The following MAST4 variants were observed in gnomAD, a reference collection of about 807,000 sequenced individuals.
The protein encoded by MAST4 is microtubule-associated serine/threonine-protein kinase 4.
MAST4 carries 89 observed loss-of-function variants against 162.7 expected under a neutral mutation model. That is an observed-to-expected ratio of 0.55 (90% CI 0.46 to 0.65). MAST4 has a LOEUF of 0.65. MAST4 is among the 30% of genes least tolerant of loss of function. The pLI is 0.00. For missense variants in MAST4, 3,153 were observed against 3,374.0 expected (o/e 0.93, Z 1.62); for synonymous variants, 1,479 against 1,361.1 (o/e 1.09, Z -1.91).
intron 3 of MAST4, among the ~76,000 whole-genome samples, chr5:66,870,431 A>G (rs959890441): frequency 3.9e-5 from 6 of 152,232 alleles, no homozygotes; most frequent in Admixed American, 3.9e-4. Context: ...CTTCATATTC[A>G]GAGAAATCAT....
chr5:67,006,017 T>A (rs1396753908), intron 4 of MAST4, among the ~76,000 whole-genome samples: 2 of 152,342 alleles, frequency 1.3e-5, no homozygotes, highest in East Asian at 3.9e-4. Context: ...AAGAAAATGG[T>A]TCGTTCTTTT....
At chr5:66,629,734 C>A (rs947441291) in intron 1 of MAST4, among the ~76,000 whole-genome samples, 1 of 152,114 alleles carries the variant, frequency 6.6e-6, no homozygotes, top group African/African-American at 2.4e-5. Flanking sequence ...AACTTGTGGA[C>A]TAATATTGAA....
At chr5:67,055,705 T>G (rs1581371241) in intron 5 of MAST4, among the ~76,000 whole-genome samples, 1 of 152,024 alleles carries the variant, frequency 6.6e-6, no homozygotes, top group Non-Finnish European at 1.5e-5. Flanking sequence ...AACCTTAGAG[T>G]TGGAGAAGCT....
intron 2 of MAST4, among the ~76,000 whole-genome samples, chr5:66,778,899 C>T (rs1278277865): frequency 6.6e-6 from 1 of 152,156 alleles, no homozygotes; most frequent in Non-Finnish European, 1.5e-5. Flanking sequence ...ATCCCTAGTT[C>T]TCTCATAGCA....
At chr5:66,900,024 T>C in intron 4 of MAST4, 42 bp downstream of exon 4, 1 of 1,317,480 alleles carries the variant, frequency 7.6e-7, no homozygotes. Flanking sequence ...TTTTTATTAA[T>C]ATATAGTTTA....
chr5:67,118,096 G>T (rs1328944732), intron 12 of MAST4, among the ~76,000 whole-genome samples: 3 of 152,226 alleles, frequency 2.0e-5, no homozygotes, highest in Non-Finnish European at 4.4e-5. Flanking sequence ...GGAAGAGCTT[G>T]AAGTTAAAAG....
chr5:67,010,811 T>A (rs533550591), intron 4 of MAST4, among the ~76,000 whole-genome samples: 1 of 152,062 alleles, frequency 6.6e-6, no homozygotes, highest in East Asian at 1.9e-4. Flanking sequence ...TGGAAACTCA[T>A]GGATGACTTG....
intron 3 of MAST4, among the ~76,000 whole-genome samples, chr5:66,825,942 G>T (rs1225839138): frequency 1.3e-5 from 2 of 152,156 alleles, no homozygotes; most frequent in African/African-American, 4.8e-5. Context: ...GGAAAAATGA[G>T]TTTATTAATG....
In MAST4 at chr5:67,136,595, C is replaced by T; in HGVS notation, c.2425C>T (p.Pro809Ser). 1 of 1,606,600 alleles carries T rather than the reference C, an allele frequency of 6.2e-7. No homozygotes were observed. ...EINWPEKDEAPPPDAQDLITL... is the reference protein window; with the variant it reads ...EINWPEKDEASPPDAQDLITL... The stretch of plus-strand genomic sequence containing the variant: ...CAACTGGCCTGAGAAGGATGAGGCA[C>T]CCCCACCTGATGCCCAGGATCTGAT... Residue 809 changes from proline to serine, a missense_variant, in exon 19 of 29, where the codon CCC (proline) becomes TCC (serine). Pro to Ser is a moderately conservative substitution (Grantham distance 74). Coordinates refer to ENST00000403625, the MANE Select transcript of MAST4 (RefSeq NM_001164664.2).
chr5:66,822,094 G>A (rs1757022330), intron 3 of MAST4, among the ~76,000 whole-genome samples: 1 of 152,210 alleles, frequency 6.6e-6, no homozygotes, highest in Admixed American at 6.5e-5. Flanking sequence ...CAGAGCTCAA[G>A]GAAGTTCAGG....
At chr5:66,907,158 CGAGAGAGAGA>C (rs34963439) in intron 4 of MAST4, among the ~76,000 whole-genome samples, 20,934 of 104,238 alleles carry the variant, frequency 0.2, 2,066 homozygotes, top group Non-Finnish European at 0.27. Context: ...CTCAGCAAAG[CGAGAGAGAGA>C]GAGAGAGAGA....
At chr5:67,162,899 A>G in intron 28 of MAST4, 111 bp downstream of exon 28, 1 of 1,209,274 alleles carries the variant, frequency 8.3e-7, no homozygotes, top group Non-Finnish European at 1.1e-6. Flanking sequence ...TTGAAGGTGT[A>G]AATTATAAAG....
At chr5:66,836,045 C>T (rs547795168) in intron 3 of MAST4, among the ~76,000 whole-genome samples, 7 of 152,186 alleles carry the variant, frequency 4.6e-5, no homozygotes, top group African/African-American at 1.7e-4. Flanking sequence ...GTGGTGTGCA[C>T]CTGTAGTCCC....
At position 66,780,238 on chromosome 5, in the gene MAST4, C is replaced by CCCTGTAAA. The variant is rs547397760; in HGVS notation, c.518-8429_518-8422dup. Among the ~76,000 whole-genome samples the CCCTGTAAA allele has an allele frequency of 4.3e-3, 655 of 152,252 alleles. 5 individuals are homozygous for CCCTGTAAA. The highest frequency in any genetic ancestry group is 0.015 in the African/African-American group (632 of 41,534). ...CTCCCCATTCCCCACTCCCCCCAGC[C>CCCTGTAAA]CCTGTAAACCACTGTTACACTTTCT... On this transcript the variant is annotated intron_variant, in intron 2 of 28. Coordinates refer to ENST00000403625, the MANE Select transcript of MAST4 (RefSeq NM_001164664.2).
chr5:67,164,176 A>G lies in MAST4; in HGVS notation c.4997A>G (p.Lys1666Arg). The change falls in exon 29 of 29, where the codon AAG becomes AGG. Residue 1666 changes from lysine (K) to arginine (R), a missense_variant. This residue lies in a region of MAST4 where 1,644 missense variants were observed against 1,495.0 expected (regional missense o/e 1.10). Coordinates refer to ENST00000403625, the MANE Select transcript of MAST4 (RefSeq NM_001164664.2). The surrounding 1 kb of genome is among the most constrained non-coding windows in gnomAD (Gnocchi z 5.3). ...GISGKGEGTE[K>R]SSQAKELLRC... ...TCTGGGAAGGGGGAAGGCACGGAGA[A>G]GTCCTCCCAGGCCAAGGAGCTTCTC... 6.2e-7 allele frequency: 1 copy of G among 1,611,306 alleles called. No homozygotes were observed. The highest frequency in any genetic ancestry group is 8.5e-7 in the Non-Finnish European group (1 of 1,178,778).
At chr5:67,039,990 T>C (rs1197115429) in intron 4 of MAST4, among the ~76,000 whole-genome samples, 2 of 150,866 alleles carry the variant, frequency 1.3e-5, no homozygotes, top group Non-Finnish European at 3.0e-5. Context: ...TGTGTGTGTA[T>C]ATATATATAA....
intron 3 of MAST4, among the ~76,000 whole-genome samples, chr5:66,855,018 T>G (rs1759573970): frequency 6.6e-6 from 1 of 152,232 alleles, no homozygotes; most frequent in African/African-American, 2.4e-5. Context: ...TTTTTGTGTC[T>G]GTGTTCACAT....
intron 5 of MAST4, among the ~76,000 whole-genome samples, chr5:67,080,553 G>A (rs566651817): frequency 6.6e-6 from 1 of 152,192 alleles, no homozygotes; most frequent in Non-Finnish European, 1.5e-5. Context: ...AGATATCATG[G>A]ATGCATGTAC....
At position 67,015,799 on chromosome 5, in the gene MAST4, A is replaced by G. The variant is rs193183364; in HGVS notation, c.675-38605A>G. ...ACATTTACAAATACTTGGAGGGGCT[A>G]TTTATGAGTCATGCATCTCTCTGTG... On this transcript the variant is annotated intron_variant, in intron 4 of 28. Coordinates refer to ENST00000403625, the MANE Select transcript of MAST4 (RefSeq NM_001164664.2). 3.7e-3 allele frequency among the ~76,000 whole-genome samples: 562 copies of G among 152,334 alleles called. 2 individuals are homozygous for G. Among genetic ancestry groups the G allele is most frequent in the Admixed American group, 7.3e-3 (112 of 15,304 alleles).
Sources: gnomAD v4.1 joint callset for allele counts (sites outside exome capture counted in the v4.1 genomes callset) on GRCh38, gnomAD v4.1.1 for gene constraint, gnomAD v4.1.1 regional missense constraint, Gnocchi (gnomAD v3.1) non-coding constraint, MANE v1.5 for transcripts, NCBI Gene and HGNC (gene_info 2026-07-23, HGNC 2026-07-21) for gene names.